Variants in C6 observed in about 807,000 individuals in gnomAD.
The protein encoded by C6 is complement component C6.
C6 carries 101 observed loss-of-function variants against 112.9 expected under a neutral mutation model. The observed-to-expected ratio is 0.89, with a 90% CI of 0.76 to 1.06. The LOEUF is 1.06. C6 is among the 50% of genes least tolerant of loss of function. The pLI is 0.00. For missense variants in C6, 1,202 were observed against 1,104.6 expected (o/e 1.09, Z -1.25); for synonymous variants, 431 against 384.1 (o/e 1.12, Z -1.43).
In C6 at chr5:41,142,907, G is replaced by A; in HGVS notation, c.2723C>T (p.Thr908Ile). Residue 908 changes from threonine to isoleucine, a missense_variant, in exon 18 of 18, where the codon ACA becomes ATA. Physicochemically the swap from Thr to Ile is moderately conservative, Grantham distance 89. Transcript: ENST00000337836. ...AGTTCCCACTTCACAGATGTTCAAT[G>A]TTTTCTCACTTGTTGATGATCCCAT... ...VKMGSSTSEK[T>I]LNICEVGTIR... is the part of the protein sequence containing the mutation. 6.2e-7 allele frequency: 1 copy of A among 1,613,374 alleles called. No homozygotes were observed. The highest frequency in any genetic ancestry group is 1.1e-5 in the South Asian group (1 of 91,074).
At chr5:41,196,930 T>G (rs1750664764) in intron 4 of C6, among the ~76,000 whole-genome samples, 1 of 152,084 alleles carries the variant, frequency 6.6e-6, no homozygotes, top group Non-Finnish European at 1.5e-5. Flanking sequence ...CTCTCCTGCC[T>G]TTTACCTTCT....
chr5:41,197,684 G>C (rs901628438), intron 4 of C6, among the ~76,000 whole-genome samples: 1 of 152,082 alleles, frequency 6.6e-6, no homozygotes, highest in Non-Finnish European at 1.5e-5. Context: ...ATATCTTAGA[G>C]AGTCCATTAG....
intron 13 of C6, 34 bp from the exon 14 acceptor site, chr5:41,155,138 CT>C: frequency 1.3e-6 from 2 of 1,578,248 alleles, no homozygotes; most frequent in African/African-American, 1.3e-5. Flanking sequence ...ATTATTAATG[CT>C]ATGAATAACA....
intron 1 of C6, among the ~76,000 whole-genome samples, chr5:41,239,665 T>C (rs1217642580): frequency 6.6e-6 from 1 of 152,008 alleles, no homozygotes; most frequent in Non-Finnish European, 1.5e-5. Context: ...TTTATGTCTC[T>C]CTATAAGTTT....
At chr5:41,199,372 T>A (rs984247097) in intron 4 of C6, among the ~76,000 whole-genome samples, 3 of 152,210 alleles carry the variant, frequency 2.0e-5, no homozygotes, top group African/African-American at 7.2e-5. Context: ...GCCATGCTCA[T>A]TTGTGTATGT....
chr5:41,203,376 C>CAGAAA, intron 1 of C6, 126 bp from the exon 2 acceptor site: 1 of 854,570 alleles, frequency 1.2e-6, no homozygotes, highest in Non-Finnish European at 1.9e-6. Context: ...TTCCTTAAGG[C>CAGAAA]AAGTCAACAC....
At chr5:41,175,029 A>G (rs571473742) in intron 8 of C6, among the ~76,000 whole-genome samples, 232 of 152,330 alleles carry the variant, frequency 1.5e-3, no homozygotes, top group Admixed American at 2.9e-3. Flanking sequence ...AATATCGAAT[A>G]CATCTTACTG....
intron 1 of C6, among the ~76,000 whole-genome samples, chr5:41,209,215 G>C (rs566003399): frequency 1.3e-5 from 2 of 152,236 alleles, no homozygotes; most frequent in South Asian, 4.1e-4. Flanking sequence ...TTGATGGGAT[G>C]TATCTCAAAA....
intron 1 of C6, among the ~76,000 whole-genome samples, chr5:41,250,908 T>G (rs1741312998): frequency 6.6e-6 from 1 of 152,228 alleles, no homozygotes; most frequent in African/African-American, 2.4e-5. Context: ...TGTGAAAAGA[T>G]TCTATGTTTA....
intron 1 of C6, among the ~76,000 whole-genome samples, chr5:41,239,951 G>T (rs1225869900): frequency 1.3e-5 from 2 of 152,052 alleles, no homozygotes; most frequent in African/African-American, 4.8e-5. Context: ...GGCCTGTAGG[G>T]TTTCTGTTGA....
intron 1 of C6, among the ~76,000 whole-genome samples, chr5:41,248,797 T>C (rs11955199): frequency 0.01 from 1,531 of 152,252 alleles, 33 homozygotes; most frequent in African/African-American, 0.035. Context: ...GAACTACCAT[T>C]ACCCAGCAAT....
At position 41,178,611 on chromosome 5, in the gene C6, G is replaced by T. The variant is rs1289317921; in HGVS notation, c.928-1896C>A. ...CTGCCTCAGCCTCCCGAGTAGCTGG[G>T]ACCACAAGCCCCCGCCACCACGTCT... On this transcript the variant is annotated intron_variant, in intron 7 of 17. Transcript: ENST00000337836. Among the ~76,000 whole-genome samples, 12 of 150,986 alleles carry T rather than the reference G, an allele frequency of 7.9e-5. No homozygotes were observed. In the East Asian group the frequency reaches 1.4e-3, roughly 17 times the overall value.
At chr5:41,160,082 C>G (rs971485730) in intron 11 of C6, 60 bp downstream of exon 11, 2 of 1,368,778 alleles carry the variant, frequency 1.5e-6, no homozygotes, top group African/African-American at 2.9e-5. Context: ...AATTGACCAA[C>G]TTAGAATACT....
chr5:41,155,529 A>G (rs1441800283), intron 13 of C6, among the ~76,000 whole-genome samples: 1 of 152,142 alleles, frequency 6.6e-6, no homozygotes, highest in South Asian at 2.1e-4. Flanking sequence ...AAATACAAAA[A>G]TACAAAAAAG....
chr5:41,235,690 C>T (rs1323695676), intron 1 of C6, among the ~76,000 whole-genome samples: 1 of 83,644 alleles, frequency 1.2e-5, no homozygotes, highest in East Asian at 3.9e-4. Context: ...GACAGTCCCA[C>T]CAACAGTGTA....
intron 1 of C6, among the ~76,000 whole-genome samples, chr5:41,243,265 C>T (rs1740838555): frequency 6.6e-6 from 1 of 152,154 alleles, no homozygotes; most frequent in East Asian, 1.9e-4. Context: ...ATCACTTTAC[C>T]TCCACACATT....
chr5:41,181,796 C>T (rs2150324114), intron 6 of C6, among the ~76,000 whole-genome samples: 1 of 152,278 alleles, frequency 6.6e-6, no homozygotes, highest in Admixed American at 6.5e-5. Flanking sequence ...CCAGTGGAAT[C>T]CCACAGGAAA....
chr5:41,223,484 C>G (rs1294118870), intron 1 of C6, among the ~76,000 whole-genome samples: 1 of 152,164 alleles, frequency 6.6e-6, no homozygotes, highest in Non-Finnish European at 1.5e-5. Flanking sequence ...CATAGCCCTA[C>G]TCCACAGTAA....
chr5:41,221,778 T>A (rs1345035642), intron 1 of C6, among the ~76,000 whole-genome samples: 1 of 152,090 alleles, frequency 6.6e-6, no homozygotes, highest in Non-Finnish European at 1.5e-5. Flanking sequence ...ATTATACAGG[T>A]GAGGAAAACA....
Sources: gnomAD v4.1 joint callset for allele counts (sites outside exome capture counted in the v4.1 genomes callset) on GRCh38, gnomAD v4.1.1 for gene constraint, MANE v1.5 for transcripts, NCBI Gene and HGNC (gene_info 2026-07-23, HGNC 2026-07-21) for gene names.